Variants in VTI1A observed in about 807,000 individuals in gnomAD.
The protein encoded by VTI1A is vesicle transport through interaction with t-SNAREs homolog 1A.
Under a neutral mutation model 34.9 loss-of-function variants are expected in VTI1A, and 22 were observed. The ratio of observed to expected loss-of-function variants is 0.63; its 90% CI spans 0.45 to 0.90. The LOEUF (loss-of-function observed/expected upper bound fraction) is 0.90, where lower values mean the gene tolerates loss of function less well. Ranked by LOEUF, VTI1A falls within the 40% of genes least tolerant of loss-of-function variation. The pLI is 0.00. For synonymous variants in VTI1A, 87 were observed against 97.3 expected, an observed-to-expected ratio of 0.89 and a Z score of 0.62; for missense variants, 268 against 275.6, an observed-to-expected ratio of 0.97 and a Z score of 0.20.
chr10:112,813,235 G>A (rs1853381053), intron 7 of VTI1A, among the ~76,000 whole-genome samples: 1 of 152,206 alleles, frequency 6.6e-6, no homozygotes, highest in Non-Finnish European at 1.5e-5. Context: ...AAGGATTCCT[G>A]TGTATTCATA....
chr10:112,727,141 A>AG (rs1333734747), intron 7 of VTI1A, among the ~76,000 whole-genome samples: 2 of 152,212 alleles, frequency 1.3e-5, no homozygotes, highest in Non-Finnish European at 2.9e-5. Flanking sequence ...TCATGCAAAA[A>AG]GGCCCCCCCA....
chr10:112,658,615 T>C (rs1428054114), intron 5 of VTI1A, among the ~76,000 whole-genome samples: 2 of 152,000 alleles, frequency 1.3e-5, no homozygotes, highest in Non-Finnish European at 2.9e-5. Context: ...TAGAGAAGAA[T>C]ATATAAGCAA....
At chr10:112,807,286 G>A (rs568032439) in intron 7 of VTI1A, among the ~76,000 whole-genome samples, 30 of 152,324 alleles carry the variant, frequency 2.0e-4, no homozygotes, top group African/African-American at 5.5e-4. Flanking sequence ...TAGGGCTGCC[G>A]TAACAACATG....
intron 7 of VTI1A, among the ~76,000 whole-genome samples, chr10:112,705,570 G>A (rs868814306): frequency 1.3e-5 from 2 of 152,032 alleles, no homozygotes; most frequent in Admixed American, 6.6e-5. Context: ...CCCTGTGGCT[G>A]CCTCACACTG....
In VTI1A at chr10:112,447,629, G is replaced by A. The variant is rs1846939787; in HGVS notation, c.94+162G>A. Among the ~76,000 whole-genome samples, 4 of 152,184 alleles carry A rather than the reference G, an allele frequency of 2.6e-5. No individual in the cohort carries two copies. The South Asian group carries it at 6.2e-4, about 24-fold the overall frequency. On this transcript the variant is annotated intron_variant, in intron 1 of 7. Coordinates refer to ENST00000393077, the MANE Select transcript of VTI1A (RefSeq NM_145206.4). Reference sequence around the variant, plus strand: ...GGCTTGGCTTGGTTGAGGGTAAGGAGTCAAGTTCGGGTGTGGGGTGCCGTG... The same window carrying A: ...GGCTTGGCTTGGTTGAGGGTAAGGAATCAAGTTCGGGTGTGGGGTGCCGTG...
intron 7 of VTI1A, among the ~76,000 whole-genome samples, chr10:112,677,013 G>A (rs1245496990): frequency 4.6e-5 from 7 of 152,216 alleles, no homozygotes; most frequent in Non-Finnish European, 7.4e-5. Context: ...TTTTTCATTC[G>A]AATGCTTCCA....
intron 7 of VTI1A, among the ~76,000 whole-genome samples, chr10:112,721,300 C>G (rs561474880): frequency 1.3e-5 from 2 of 152,314 alleles, no homozygotes; most frequent in Admixed American, 6.5e-5. Flanking sequence ...CACTCACTTA[C>G]CATTGCCATA....
chr10:112,780,642 C>T (rs1027842589), intron 7 of VTI1A, among the ~76,000 whole-genome samples: 3 of 152,038 alleles, frequency 2.0e-5, no homozygotes, highest in African/African-American at 4.8e-5. Context: ...TTAACCTTAT[C>T]GAGTATGCAT....
the VTI1A span, chr10:112,827,268 T>C: frequency 6.6e-6 from 1 of 152,012 alleles, no homozygotes; most frequent in African/African-American, 2.4e-5. Flanking sequence ...CCCCGAGGAA[T>C]TGCAATTTCA....
chr10:112,618,495 A>G (rs1294760652), intron 5 of VTI1A, among the ~76,000 whole-genome samples: 1 of 63,428 alleles, frequency 1.6e-5, no homozygotes, highest in Admixed American at 2.6e-4. Context: ...TATATTATAT[A>G]TATATATATA....
intron 5 of VTI1A, among the ~76,000 whole-genome samples, chr10:112,606,017 TTTTC>T (rs979867522): frequency 1.3e-5 from 1 of 77,880 alleles, no homozygotes; most frequent in African/African-American, 5.0e-5. Context: ...AGTTTTCTTT[TTTTC>T]TTTTTTTCTT....
intron 5 of VTI1A, among the ~76,000 whole-genome samples, chr10:112,633,224 A>C (rs1846207154): frequency 1.3e-5 from 2 of 152,152 alleles, no homozygotes; most frequent in African/African-American, 4.8e-5. Context: ...CATCATCTGG[A>C]ACACATAGTG....
intron 7 of VTI1A, among the ~76,000 whole-genome samples, chr10:112,785,070 C>G (rs1852245039): frequency 6.6e-6 from 1 of 152,228 alleles, no homozygotes; most frequent in Non-Finnish European, 1.5e-5. Context: ...TTGTTCTCTA[C>G]TGTAAACTTA....
intron 7 of VTI1A, among the ~76,000 whole-genome samples, chr10:112,699,585 C>A (rs1407028943): frequency 6.6e-6 from 1 of 152,226 alleles, no homozygotes; most frequent in Non-Finnish European, 1.5e-5. Flanking sequence ...ATAATCCCAG[C>A]ACTTTGGGAG....
chr10:112,777,854 G>A (rs1034991864), intron 7 of VTI1A, among the ~76,000 whole-genome samples: 1 of 152,218 alleles, frequency 6.6e-6, no homozygotes, highest in African/African-American at 2.4e-5. Context: ...TGTAATCCTA[G>A]CACTTTGGGA....
intron 7 of VTI1A, among the ~76,000 whole-genome samples, chr10:112,756,229 A>G (rs561585206): frequency 2.0e-4 from 31 of 152,304 alleles, no homozygotes; most frequent in Non-Finnish European, 3.5e-4. Context: ...GGAATGTGCA[A>G]TTAAGCTCAT....
chr10:112,646,275 A>AT (rs1564864449), intron 5 of VTI1A, among the ~76,000 whole-genome samples: 1 of 152,174 alleles, frequency 6.6e-6, no homozygotes, highest in Non-Finnish European at 1.5e-5. Context: ...ATAAAATAAA[A>AT]CTAGGAAGCA....
rs534900348 is a variant in VTI1A at position 112,772,579 on chromosome 10, C to T, written c.561-42711C>T. ...CCAATTTAGTTTCTTTTGTTGCTTG[C>T]GCTTTTGGTGTCACATCTAAGAGTC... On this transcript the variant is annotated intron_variant, in intron 7 of 7. Coordinates refer to ENST00000393077, the MANE Select transcript of VTI1A (RefSeq NM_145206.4). Among the ~76,000 whole-genome samples, 9 of 152,240 alleles carry T rather than the reference C, an allele frequency of 5.9e-5. No homozygotes were observed. The East Asian group carries it at 1.2e-3, about 20-fold the overall frequency.
chr10:112,504,308 G>A (rs1232728862), intron 3 of VTI1A, among the ~76,000 whole-genome samples: 2 of 152,014 alleles, frequency 1.3e-5, no homozygotes, highest in African/African-American at 4.8e-5. Context: ...AATTGTTTGT[G>A]TATCTTTACA....
Sources: gnomAD v4.1 joint callset for allele counts (sites outside exome capture counted in the v4.1 genomes callset) on GRCh38, gnomAD v4.1.1 for gene constraint, MANE v1.5 for transcripts, NCBI Gene and HGNC (gene_info 2026-07-23, HGNC 2026-07-21) for gene names.